The following RYR3 variants were observed in gnomAD, a reference collection of about 807,000 sequenced individuals.
RYR3 encodes the protein ryanodine receptor 3.
RYR3 carries 207 observed loss-of-function variants against 584.3 expected under a neutral mutation model. The observed-to-expected ratio is 0.35, with a 90% CI of 0.32 to 0.40. The LOEUF (loss-of-function observed/expected upper bound fraction) is 0.40, where lower values mean the gene tolerates loss of function less well. Ranked by LOEUF, RYR3 falls within the 10% of genes least tolerant of loss-of-function variation. The pLI, the probability that RYR3 is intolerant of heterozygous loss-of-function variation, is 1.00. For missense variants in RYR3, 5,616 were observed against 6,089.2 expected, an observed-to-expected ratio of 0.92 and a Z score of 2.59; for synonymous variants, 2,416 against 2,248.5, an observed-to-expected ratio of 1.07 and a Z score of -2.11.
Position 33,635,652 on chromosome 15 carries a change from C to T in RYR3, c.3214C>T (p.Arg1072Ter). ...AVEKVSIDKIRFFRVERSYAV... is the reference protein window; with the variant it reads ...AVEKVSIDKI ...GGAGAAGGTCAGCATAGACAAGATC[C>T]GATTTTTCCGGGTAGAGCGATCTTA... The change falls in exon 26 of 104, where the codon CGA (arginine) becomes TGA (stop). Residue 1072 changes from arginine to a stop codon, truncating the protein, a stop_gained. Coordinates refer to ENST00000634891, the MANE Select transcript of RYR3 (RefSeq NM_001036.6). LOFTEE classifies it high-confidence loss of function. 6 of 1,613,908 alleles carry T rather than the reference C, an allele frequency of 3.7e-6. No homozygotes were observed. The highest frequency in any genetic ancestry group is 3.4e-6 in the Non-Finnish European group (4 of 1,179,876).
chr15:33,586,211 TTTC>T, intron 16 of RYR3, 95 bp downstream of exon 16: 1 of 741,356 alleles, frequency 1.3e-6, no homozygotes. Flanking sequence ...TTGATTAGTC[TTTC>T]TTGACTTTGA....
chr15:33,512,151 G>A (rs1039138381), intron 3 of RYR3, among the ~76,000 whole-genome samples: 1 of 152,134 alleles, frequency 6.6e-6, no homozygotes, highest in African/African-American at 2.4e-5. Flanking sequence ...GGTTCAATCT[G>A]GTGAGATGAC....
intron 101 of RYR3, among the ~76,000 whole-genome samples, 165 bp downstream of exon 101, chr15:33,860,824 C>A (rs949367524): frequency 6.6e-6 from 1 of 150,936 alleles, no homozygotes; most frequent in Non-Finnish European, 1.5e-5. Flanking sequence ...CCTGCCAGGC[C>A]GGCCACTCTG....
In RYR3 at chr15:33,838,947, A is replaced by G. The variant is rs1207307861; in HGVS notation, c.12967A>G (p.Arg4323Gly). ...PTLESTVQKK[R>G]KAQAAEMKAA... ...ATTAGAGAGTACTGTACAGAAGAAG[A>G]GGAAAGCTCAGGTAAGTGTCATTTG... The change falls in exon 89 of 104, where the codon AGG becomes GGG. Residue 4323 changes from arginine to glycine, a missense_variant. This residue lies in a region of RYR3 where 918 missense variants were observed against 887.4 expected (regional missense o/e 1.03). Coordinates refer to ENST00000634891, the MANE Select transcript of RYR3 (RefSeq NM_001036.6). 6.2e-7 allele frequency: 1 copy of G among 1,607,520 alleles called. No homozygotes were observed. Among genetic ancestry groups the G allele is most frequent in the South Asian group, 1.1e-5 (1 of 89,784 alleles).
intron 38 of RYR3, among the ~76,000 whole-genome samples, chr15:33,677,360 C>A (rs575627787): frequency 6.6e-6 from 1 of 152,094 alleles, no homozygotes; most frequent in South Asian, 2.1e-4. Flanking sequence ...GACAGAGGCC[C>A]GAGGTCCCTG....
chr15:33,629,916 A>G (rs754994910), intron 21 of RYR3, 24 bp from the exon 22 acceptor site: 2 of 1,403,664 alleles, frequency 1.4e-6, no homozygotes, highest in East Asian at 4.7e-5. Flanking sequence ...CTTAAATCAC[A>G]TTCTTTCTTA....
At chr15:33,549,543 T>TA (rs759437664) in intron 9 of RYR3, among the ~76,000 whole-genome samples, 4 of 152,224 alleles carry the variant, frequency 2.6e-5, no homozygotes, top group Non-Finnish European at 5.9e-5. Flanking sequence ...TTTTGCTGAG[T>TA]GCTGATCTTT....
chr15:33,327,161 G>A (rs1969820317), intron 1 of RYR3, among the ~76,000 whole-genome samples: 2 of 152,150 alleles, frequency 1.3e-5, no homozygotes, highest in African/African-American at 2.4e-5. Flanking sequence ...AGGATTAAAG[G>A]TGACAGAAAA....
At chr15:33,810,422 C>A in intron 70 of RYR3, 57 bp from the exon 71 acceptor site, 2 of 1,586,000 alleles carry the variant, frequency 1.3e-6, no homozygotes. Flanking sequence ...GACAGGAGGC[C>A]GTTCCTTTGG....
intron 48 of RYR3, among the ~76,000 whole-genome samples, chr15:33,734,400 C>G (rs551296525): frequency 1.3e-5 from 2 of 152,312 alleles, no homozygotes; most frequent in South Asian, 2.1e-4. Context: ...TTATGAGCCT[C>G]TATTTTCTTA....
chr15:33,787,401 C>A (rs1299689625), intron 66 of RYR3, among the ~76,000 whole-genome samples: 2 of 152,084 alleles, frequency 1.3e-5, no homozygotes, highest in Non-Finnish European at 2.9e-5. Context: ...TGCTGGAATG[C>A]AAGCTGTTTC....
chr15:33,562,201 A>G (rs1020330082), intron 10 of RYR3, among the ~76,000 whole-genome samples: 1 of 152,182 alleles, frequency 6.6e-6, no homozygotes, highest in Non-Finnish European at 1.5e-5. Context: ...TCCCTTTTCC[A>G]CACTGGAGAA....
intron 1 of RYR3, among the ~76,000 whole-genome samples, chr15:33,466,557 A>G (rs765547665): frequency 5.3e-5 from 8 of 152,204 alleles, no homozygotes; most frequent in Admixed American, 1.3e-4. Flanking sequence ...AACTTCAAAC[A>G]TTGTTGCTGG....
chr15:33,560,501 T>C (rs2057342988), intron 10 of RYR3, among the ~76,000 whole-genome samples: 1 of 151,980 alleles, frequency 6.6e-6, no homozygotes, highest in African/African-American at 2.4e-5. Flanking sequence ...AAGAAAGTAA[T>C]GAAGTTACCG....
chr15:33,347,128 C>T (rs774449389), intron 1 of RYR3, among the ~76,000 whole-genome samples: 1 of 152,080 alleles, frequency 6.6e-6, no homozygotes, highest in Non-Finnish European at 1.5e-5. Flanking sequence ...GATCACCTGG[C>T]TGACATAGTA....
intron 73 of RYR3, 130 bp downstream of exon 73, chr15:33,813,124 C>A: frequency 8.5e-7 from 1 of 1,172,276 alleles, no homozygotes; most frequent in Non-Finnish European, 1.2e-6. Context: ...AGGATCATCC[C>A]AGATCACCCC....
intron 1 of RYR3, among the ~76,000 whole-genome samples, chr15:33,458,029 G>T (rs1366070795): frequency 6.6e-6 from 1 of 152,162 alleles, no homozygotes; most frequent in Non-Finnish European, 1.5e-5. Flanking sequence ...CTTCCTGGTT[G>T]CTTGGCTAGT....
intron 10 of RYR3, among the ~76,000 whole-genome samples, chr15:33,559,215 C>T (rs1357291782): frequency 1.3e-5 from 2 of 152,066 alleles, no homozygotes; most frequent in South Asian, 2.1e-4. Flanking sequence ...AAGGACAGTC[C>T]GTTCAGGGTC....
intron 1 of RYR3, among the ~76,000 whole-genome samples, chr15:33,429,614 C>T (rs1365135636): frequency 6.6e-6 from 1 of 152,216 alleles, no homozygotes; most frequent in East Asian, 1.9e-4. Flanking sequence ...CACAGCTCAG[C>T]ACTCTGAATG....
Sources: allele counts gnomAD v4.1 joint callset (sites outside exome capture counted in the v4.1 genomes callset), GRCh38; gene constraint gnomAD v4.1.1; regional missense constraint gnomAD v4.1.1; transcripts MANE v1.5; gene names NCBI Gene and HGNC (gene_info 2026-07-23, HGNC 2026-07-21).